Variants in ATXN1 observed in about 807,000 individuals in gnomAD.
The protein encoded by ATXN1 is ataxin 1, also known as ataxin-1.
ATXN1 carries 8 observed loss-of-function variants against 56.4 expected under a neutral mutation model. The ratio of observed to expected loss-of-function variants is 0.14; its 90% CI spans 0.08 to 0.26. ATXN1 has a LOEUF of 0.26. Among genes scored for constraint, ATXN1 ranks in the 10% least tolerant of loss-of-function variants. ATXN1 has a pLI of 1.00. For missense variants in ATXN1, 987 were observed against 1,106.5 expected, an observed-to-expected ratio of 0.89 and a Z score of 1.53; for synonymous variants, 514 against 494.6, an observed-to-expected ratio of 1.04 and a Z score of -0.52.
chr6:16,468,240 CAGTG>C, intron 6 of ATXN1, among the ~76,000 whole-genome samples: 1 of 152,248 alleles, frequency 6.6e-6, no homozygotes, highest in Middle Eastern at 3.4e-3. Context: ...GGCTGGAGTG[CAGTG>C]GCACGATCTT....
chr6:16,419,022 A>G (rs1010961800), intron 6 of ATXN1, among the ~76,000 whole-genome samples: 1 of 152,128 alleles, frequency 6.6e-6, no homozygotes, highest in Admixed American at 6.5e-5. Context: ...ACTTTGTACA[A>G]GTAAGGTAAC....
intron 2 of ATXN1, among the ~76,000 whole-genome samples, chr6:16,685,962 T>C (rs1020153633): frequency 1.3e-5 from 2 of 152,218 alleles, no homozygotes; most frequent in South Asian, 4.1e-4. Flanking sequence ...GTGATTAATA[T>C]GGTTTCATAT....
At chr6:16,550,259 C>T (rs1429341873) in intron 4 of ATXN1, among the ~76,000 whole-genome samples, 1 of 152,118 alleles carries the variant, frequency 6.6e-6, no homozygotes, top group Non-Finnish European at 1.5e-5. Context: ...CTTGCCTTCC[C>T]TCCTGCACCC....
chr6:16,411,341 G>A (rs1365373582), intron 6 of ATXN1, among the ~76,000 whole-genome samples: 1 of 151,814 alleles, frequency 6.6e-6, no homozygotes, highest in Non-Finnish European at 1.5e-5. Context: ...TACCTCATAT[G>A]ACTTTAATAT....
At chr6:16,459,651 C>A (rs963121992) in intron 6 of ATXN1, among the ~76,000 whole-genome samples, 2 of 152,202 alleles carry the variant, frequency 1.3e-5, no homozygotes, top group Non-Finnish European at 2.9e-5. Context: ...CTTGGACTCC[C>A]AGTTTCTCTT....
At chr6:16,743,208 G>A (rs1760403074) in intron 2 of ATXN1, among the ~76,000 whole-genome samples, 1 of 152,200 alleles carries the variant, frequency 6.6e-6, no homozygotes, top group Non-Finnish European at 1.5e-5. Flanking sequence ...GTTTTGTGTG[G>A]TTATAAGTGC....
chr6:16,367,360 T>C (rs199918801), intron 6 of ATXN1, among the ~76,000 whole-genome samples: 2 of 116,984 alleles, frequency 1.7e-5, no homozygotes, highest in Non-Finnish European at 3.7e-5. Flanking sequence ...TCTCTCTCTC[T>C]CTCACACACA....
At chr6:16,686,454 G>A (rs1333370824) in intron 2 of ATXN1, among the ~76,000 whole-genome samples, 1 of 152,110 alleles carries the variant, frequency 6.6e-6, no homozygotes, top group South Asian at 2.1e-4. Context: ...CAGGCTTCCC[G>A]TTGTGTAATT....
chr6:16,320,216 C>A (rs745937531), intron 7 of ATXN1, among the ~76,000 whole-genome samples: 6 of 151,952 alleles, frequency 3.9e-5, no homozygotes, highest in Non-Finnish European at 5.9e-5. Context: ...TCACAGCTCA[C>A]AGAAGTCAAC....
intron 5 of ATXN1, among the ~76,000 whole-genome samples, chr6:16,488,445 G>A (rs573562370): frequency 3.3e-5 from 5 of 152,210 alleles, no homozygotes; most frequent in African/African-American, 7.2e-5. Context: ...ACAGTGTTCC[G>A]TCAACCTTCT....
At chr6:16,625,961 C>T (rs192301044) in intron 3 of ATXN1, among the ~76,000 whole-genome samples, 191 of 152,262 alleles carry the variant, frequency 1.3e-3, no homozygotes, top group African/African-American at 4.4e-3. Context: ...TGAATTAAAA[C>T]GAGTGATTGT....
chr6:16,346,410 A>C (rs890969195), intron 6 of ATXN1, among the ~76,000 whole-genome samples: 2 of 152,178 alleles, frequency 1.3e-5, no homozygotes, highest in African/African-American at 4.8e-5. Flanking sequence ...GAAGATGGGA[A>C]TCCTCCTCTA....
intron 2 of ATXN1, among the ~76,000 whole-genome samples, chr6:16,698,110 G>GGAAA (rs1317878293): frequency 6.6e-6 from 1 of 152,128 alleles, no homozygotes; most frequent in Non-Finnish European, 1.5e-5. Flanking sequence ...GAGGTGACGG[G>GGAAA]GAAAGAAAGA....
chr6:16,484,203 C>T lies in ATXN1; in HGVS notation c.-161+1769G>A, dbSNP rs147511029. Among the ~76,000 whole-genome samples the T allele has an allele frequency of 5.3e-3, 799 of 152,104 alleles. 4 individuals are homozygous for T. The highest frequency in any genetic ancestry group is 5.9e-3 in the Non-Finnish European group (399 of 67,988). On this transcript the variant is annotated intron_variant, in intron 6 of 7. Coordinates refer to ENST00000436367, the MANE Select transcript of ATXN1 (RefSeq NM_001128164.2). ...ATCAAAACATTTTGGGAAGCAGAGGCGGGAGGATCACTTGAGCTCAGTAGT... is the reference window on the plus strand; with the variant it reads ...ATCAAAACATTTTGGGAAGCAGAGGTGGGAGGATCACTTGAGCTCAGTAGT...
At chr6:16,585,487 A>T (rs985799719) in intron 4 of ATXN1, among the ~76,000 whole-genome samples, 1 of 152,198 alleles carries the variant, frequency 6.6e-6, no homozygotes, top group African/African-American at 2.4e-5. Context: ...TCTCTAAGTG[A>T]ATTTATAAAT....
At chr6:16,686,380 T>G (rs1480019674) in intron 2 of ATXN1, among the ~76,000 whole-genome samples, 2 of 152,226 alleles carry the variant, frequency 1.3e-5, no homozygotes, top group Non-Finnish European at 1.5e-5. Flanking sequence ...GTGAATTATC[T>G]TAACAACACT....
intron 3 of ATXN1, among the ~76,000 whole-genome samples, chr6:16,608,667 A>G (rs1173815720): frequency 2.0e-5 from 3 of 152,198 alleles, no homozygotes; most frequent in African/African-American, 7.2e-5. Context: ...ACATTATTAC[A>G]GGCAAAGTGA....
rs1198892904 is a variant in ATXN1 at position 16,302,881 on chromosome 6, C to T, written c.*3448G>A. On this transcript the variant is annotated 3_prime_UTR_variant, in exon 8 of 8. Transcript: ENST00000436367. ...ACCGAAGAATTTCTACCCCTGTCAT[C>T]GTTAATGTTTGCTACACAGAAGCGG... is the stretch of plus-strand genomic sequence containing the variant. 6.5e-6 allele frequency: 1 copy of T among 152,682 alleles called. No homozygotes were observed. The highest frequency in any genetic ancestry group is 1.5e-5 in the Non-Finnish European group (1 of 68,052). The allele number at this position is 152,682 out of a possible 1,614,324, so 9.5% of individuals were successfully genotyped here.
intron 3 of ATXN1, among the ~76,000 whole-genome samples, chr6:16,649,951 G>T (rs867540998): frequency 6.8e-6 from 1 of 147,330 alleles, no homozygotes; most frequent in Admixed American, 6.8e-5. Flanking sequence ...TTTCTGTTTT[G>T]TTTTTTTTTT....
Sources: allele counts gnomAD v4.1 joint callset (sites outside exome capture counted in the v4.1 genomes callset), GRCh38; gene constraint gnomAD v4.1.1; transcripts MANE v1.5; gene names NCBI Gene and HGNC (gene_info 2026-07-23, HGNC 2026-07-21).